Variants in AKR1C8 observed in about 807,000 individuals in gnomAD.
AKR1C8 encodes the protein aldo-keto reductase family 1 member C-like protein 1.
chr10:5,173,049 G>T, the AKR1C8 span, among the ~76,000 whole-genome samples: 1 of 152,050 alleles, frequency 6.6e-6, no homozygotes, highest in Non-Finnish European at 1.5e-5. Flanking sequence ...AATTCCAGGG[G>T]CTCCATAAGG....
At chr10:5,156,304 T>TA in the AKR1C8 span, among the ~76,000 whole-genome samples, 179 of 152,284 alleles carry the variant, frequency 1.2e-3, no homozygotes, top group African/African-American at 3.7e-3. Context: ...CTCTTCCTTA[T>TA]AAAAAATGCT....
At chr10:5,161,660 G>A in the AKR1C8 span, 9 of 531,770 alleles carry the variant, frequency 1.7e-5, no homozygotes, top group Non-Finnish European at 2.7e-5. Context: ...GGGGGACAAG[G>A]ATAGACAGAA....
At chr10:5,171,984 G>A in the AKR1C8 span, among the ~76,000 whole-genome samples, 1 of 152,046 alleles carries the variant, frequency 6.6e-6, no homozygotes, top group Non-Finnish European at 1.5e-5. Context: ...TTAACTTTCA[G>A]CAACCTTTAC....
chr10:5,117,131 T>C, the AKR1C8 span, among the ~76,000 whole-genome samples: 1 of 19,912 alleles, frequency 5.0e-5, no homozygotes, highest in Non-Finnish European at 1.4e-4. Flanking sequence ...GGCAGTGAGC[T>C]TTTTTTTTTT....
At chr10:5,177,745 A>G in the AKR1C8 span, among the ~76,000 whole-genome samples, 3 of 152,210 alleles carry the variant, frequency 2.0e-5, no homozygotes, top group Admixed American at 2.0e-4. Context: ...CATTTCTTCT[A>G]GATTTTCCAG....
the AKR1C8 span, among the ~76,000 whole-genome samples, chr10:5,164,640 G>A: frequency 6.6e-6 from 1 of 152,086 alleles, no homozygotes; most frequent in African/African-American, 2.4e-5. Flanking sequence ...AAGACTCAGG[G>A]GACAGGCTTC....
the AKR1C8 span, chr10:5,155,437 C>T: frequency 6.9e-5 from 16 of 231,426 alleles, no homozygotes; most frequent in Non-Finnish European, 1.4e-4. Flanking sequence ...ATAGTAAGGG[C>T]CTTCAAGAAT....
chr10:5,173,721 C>T, the AKR1C8 span, among the ~76,000 whole-genome samples: 1 of 151,722 alleles, frequency 6.6e-6, no homozygotes, highest in Non-Finnish European at 1.5e-5. Context: ...ATAAGCATCA[C>T]TGTTTATATT....
the AKR1C8 span, among the ~76,000 whole-genome samples, chr10:5,183,970 G>A: frequency 5.9e-5 from 9 of 152,216 alleles, no homozygotes; most frequent in South Asian, 2.1e-4. Flanking sequence ...TTTCTTTTGT[G>A]GGCATGTATA....
the AKR1C8 span, among the ~76,000 whole-genome samples, chr10:5,145,915 A>G: frequency 4.0e-4 from 61 of 152,194 alleles, 1 homozygote; most frequent in Admixed American, 3.5e-3. Context: ...TTATTGCGGC[A>G]CTATTCACAA....
chr10:5,176,793 G>A, the AKR1C8 span, among the ~76,000 whole-genome samples: 4 of 152,144 alleles, frequency 2.6e-5, no homozygotes, highest in South Asian at 6.2e-4. Context: ...TGTTATTGGT[G>A]TATAAGAATG....
the AKR1C8 span, among the ~76,000 whole-genome samples, chr10:5,182,707 C>T: frequency 5.0e-3 from 754 of 152,034 alleles, 9 homozygotes; most frequent in South Asian, 0.015. Context: ...CTCAGGAGTT[C>T]GAGACCAGCC....
chr10:5,148,876 G>A, the AKR1C8 span, among the ~76,000 whole-genome samples: 1 of 151,846 alleles, frequency 6.6e-6, no homozygotes, highest in East Asian at 1.9e-4. Context: ...GTCATACCAG[G>A]AAGTCTAATT....
chr10:5,130,097 G>A, the AKR1C8 span, among the ~76,000 whole-genome samples: 1 of 151,766 alleles, frequency 6.6e-6, no homozygotes, highest in Middle Eastern at 3.2e-3. Context: ...CATCCCAAGG[G>A]TGCAGGGATG....
At chr10:5,166,953 C>T in the AKR1C8 span, among the ~76,000 whole-genome samples, 1 of 139,788 alleles carries the variant, frequency 7.2e-6, no homozygotes, top group East Asian at 2.0e-4. Context: ...AAAAAAAAAA[C>T]CCATCAAAAA....
chr10:5,118,995 G>A, the AKR1C8 span, among the ~76,000 whole-genome samples: 1 of 151,526 alleles, frequency 6.6e-6, no homozygotes, highest in Non-Finnish European at 1.5e-5. Context: ...TATCAAATGT[G>A]CGGAAATGTG....
chr10:5,143,625 T>C, the AKR1C8 span, among the ~76,000 whole-genome samples: 143 of 151,354 alleles, frequency 9.4e-4, no homozygotes, highest in African/African-American at 3.4e-3. Flanking sequence ...TACATTTATA[T>C]ATGAGATGAC....
the AKR1C8 span, among the ~76,000 whole-genome samples, chr10:5,142,030 C>T: frequency 1.3e-5 from 2 of 152,020 alleles, no homozygotes; most frequent in African/African-American, 4.8e-5. Flanking sequence ...TTATTGTAGT[C>T]GCTTTCATTA....
the AKR1C8 span, among the ~76,000 whole-genome samples, chr10:5,146,100 A>G: frequency 1.3e-5 from 2 of 151,598 alleles, no homozygotes; most frequent in Admixed American, 1.3e-4. Flanking sequence ...TTGCAAGAAC[A>G]AAAAACCAAA....
Sources: gnomAD v4.1 joint callset for allele counts (sites outside exome capture counted in the v4.1 genomes callset) on GRCh38, gnomAD v4.1.1 for gene constraint, MANE v1.5 for transcripts, NCBI Gene and HGNC (gene_info 2026-07-23, HGNC 2026-07-21) for gene names.